PLA2G4C: variants seen among roughly 807,000 people sequenced by gnomAD.
PLA2G4C encodes phospholipase A2 group IVC.
In PLA2G4C, 64 loss-of-function variants were observed where a neutral mutation model predicts 73.8. That is an observed-to-expected ratio of 0.87 (90% CI 0.71 to 1.07). The LOEUF (loss-of-function observed/expected upper bound fraction) is 1.07, where lower values mean the gene tolerates loss of function less well. Ranked by LOEUF, PLA2G4C falls within the 50% of genes least tolerant of loss-of-function variation. PLA2G4C has a pLI of 0.00. For synonymous variants in PLA2G4C, 254 were observed against 252.1 expected (o/e 1.01, Z -0.07); for missense variants, 622 against 665.4 (o/e 0.93, Z 0.72).
chr19:48,088,623 G>A lies in PLA2G4C; in HGVS notation c.790+63C>T, dbSNP rs369428750. On this transcript the variant is annotated intron_variant, in intron 9 of 16. Coordinates refer to ENST00000599921, the MANE Select transcript of PLA2G4C (RefSeq NM_003706.3). ...ATGTAATGTTCCTAGGACAATGGCT[G>A]GCCTCAAGCAAGTGTGCGGTCCCCA... 8.6e-4 allele frequency: 968 copies of A among 1,124,006 alleles called. 10 individuals carry two copies. The South Asian group carries it at 0.012, about 13-fold the overall frequency. 69.6% of individuals were successfully genotyped at this position (1,124,006 alleles called of 1,614,324 possible).
intron 4 of PLA2G4C, chr19:48,103,573 G>T (rs1464133253): frequency 6.6e-6 from 1 of 152,304 alleles, no homozygotes; most frequent in Non-Finnish European, 1.5e-5. Context: ...CTCTGAAAAT[G>T]TGCCAAGATC....
At chr19:48,084,985 G>T in intron 10 of PLA2G4C, 74 bp downstream of exon 10, 1 of 1,063,872 alleles carries the variant, frequency 9.4e-7, no homozygotes, top group Non-Finnish European at 1.5e-6. Flanking sequence ...TCTGCCACAT[G>T]CAGGAAAAGT....
intron 1 of PLA2G4C, among the ~76,000 whole-genome samples, chr19:48,109,326 C>T (rs1373588812): frequency 6.6e-6 from 1 of 152,038 alleles, no homozygotes; most frequent in African/African-American, 2.4e-5. Flanking sequence ...GGCTGGAGTG[C>T]AGTGGTGTGA....
intron 13 of PLA2G4C, 98 bp from the exon 14 acceptor site, chr19:48,062,250 G>A: frequency 2.7e-6 from 3 of 1,104,956 alleles, no homozygotes; most frequent in Non-Finnish European, 3.8e-6. Flanking sequence ...AATGATCGTT[G>A]TCAGTGTAGA....
At position 48,072,420 on chromosome 19, in the gene PLA2G4C, C is replaced by A. The variant is rs1968696245; in HGVS notation, c.1006+2347G>T. ...AGTCATAGTGAGGCTTCGTGTGGCA[C>A]ATTCCATCTCTCTCCATTACCCACC... On this transcript the variant is annotated intron_variant, in intron 12 of 16. Transcript: ENST00000599921. The surrounding 1 kb of genome is among the most constrained non-coding windows in gnomAD (Gnocchi z 4.4). The A allele has an allele frequency of 6.6e-6, 1 of 152,156 alleles. No homozygotes were observed. The highest frequency in any genetic ancestry group is 6.6e-5 in the Admixed American group (1 of 15,256). 9.4% of individuals were successfully genotyped at this position (152,156 alleles called of 1,614,324 possible).
At chr19:48,088,289 C>A (rs1180920243) in intron 9 of PLA2G4C, among the ~76,000 whole-genome samples, 1 of 151,724 alleles carries the variant, frequency 6.6e-6, no homozygotes, top group African/African-American at 2.4e-5. Flanking sequence ...GGAACTCTTA[C>A]AATCTTCACC....
intron 3 of PLA2G4C, 144 bp from the exon 4 acceptor site, chr19:48,104,868 AG>A: frequency 2.8e-6 from 2 of 726,190 alleles, no homozygotes; most frequent in Non-Finnish European, 4.5e-6. Flanking sequence ...GGATCACTTG[AG>A]GTCAGGAGTT....
chr19:48,107,206 C>T (rs916043798), intron 1 of PLA2G4C, among the ~76,000 whole-genome samples: 1 of 151,198 alleles, frequency 6.6e-6, no homozygotes, highest in Non-Finnish European at 1.5e-5. Context: ...AATTGATCGG[C>T]TATGGATGAA....
chr19:48,099,775 C>G lies in PLA2G4C; in HGVS notation c.343G>C (p.Asp115His). Reference protein sequence around the residue: ...LKHRFTRQEWDLAKSLQKTIQ... With the variant: ...LKHRFTRQEWHLAKSLQKTIQ... ...GTTTTCTGTAGGCTCTTAGCCAAGT[C>G]CCACTCCTGTCGGGTAAATCGATGT... Residue 115 changes from aspartate to histidine, a missense_variant, in exon 5 of 17, where the codon GAC becomes CAC. Transcript: ENST00000599921. The G allele has an allele frequency of 6.2e-7, 1 of 1,613,766 alleles. No individual in the cohort carries two copies.
intron 12 of PLA2G4C, among the ~76,000 whole-genome samples, chr19:48,068,438 T>G (rs1250245974): frequency 4.6e-5 from 7 of 151,888 alleles, no homozygotes. Flanking sequence ...ATCCCAGGAC[T>G]TAGGGAAGCC....
Position 48,077,661 on chromosome 19 carries a change from A to G in PLA2G4C, c.898+110T>C, listed in dbSNP as rs545641750. On this transcript the variant is annotated intron_variant, in intron 11 of 16. Coordinates refer to ENST00000599921, the MANE Select transcript of PLA2G4C (RefSeq NM_003706.3). The stretch of plus-strand genomic sequence containing the variant: ...AGTCCATGCTCCTCTCCATTCCCAA[A>G]GGAGCACCACATGAATCAGACACGT... 4.3e-5 allele frequency: 34 copies of G among 791,058 alleles called. No individual in the cohort carries two copies. In the South Asian group the frequency reaches 6.5e-4, roughly 15 times the overall value. The allele number at this position is 791,058 out of a possible 1,614,324, so 49.0% of individuals were successfully genotyped here. A position where few individuals can be genotyped will look rare whatever the true frequency, so the allele number is the denominator to read the frequency against.
At chr19:48,070,472 G>A (rs144805123) in intron 12 of PLA2G4C, among the ~76,000 whole-genome samples, 9 of 152,270 alleles carry the variant, frequency 5.9e-5, no homozygotes, top group South Asian at 2.1e-4. Flanking sequence ...ATTCACAATA[G>A]CAAAGACATG....
chr19:48,107,666 G>A (rs1047852576), intron 1 of PLA2G4C, among the ~76,000 whole-genome samples: 5 of 152,088 alleles, frequency 3.3e-5, no homozygotes, highest in Admixed American at 3.3e-4. Flanking sequence ...CCTGTGGAGG[G>A]CCTGAGTGAT....
rs1246699381 is a variant in PLA2G4C, at chr19:48,054,920, C to T, written c.1387G>A (p.Val463Met). The change falls in exon 15 of 17, where the codon GTG (valine) becomes ATG (methionine). Residue 463 changes from valine to methionine, a missense_variant. Transcript: ENST00000599921. ...TTGAACAGGGGAAAATGCATCACCA[C>T]TGGTCCAGTTTCTCCTTTCAGGATG... The part of the protein sequence containing the change: ...CYILKGETGP[V>M]VMHFPLFNID... 34 of 1,614,112 alleles carry T rather than the reference C, an allele frequency of 2.1e-5. No homozygotes were observed. Among genetic ancestry groups the T allele is most frequent in the Non-Finnish European group, 2.8e-5 (33 of 1,180,028 alleles).
At position 48,110,584 on chromosome 19, in the gene PLA2G4C, G is replaced by C; in HGVS notation, c.-130C>G. 7.3e-7 allele frequency: 1 copy of C among 1,369,376 alleles called. No individual in the cohort carries two copies. The highest frequency in any genetic ancestry group is 1.5e-5 in the African/African-American group (1 of 66,380). The allele number at this position is 1,369,376 out of a possible 1,614,324, so 84.8% of individuals were successfully genotyped here. On this transcript the variant is annotated 5_prime_UTR_variant, in exon 1 of 17. Transcript: ENST00000599921. ...GCTCCCTGCGCTTAGCGGTGTAGTC[G>C]CTGGACAGCTCCTTCAGCCGGAATC... is the stretch of plus-strand genomic sequence containing the variant.
intron 12 of PLA2G4C, among the ~76,000 whole-genome samples, chr19:48,069,056 A>AG (rs1968561317): frequency 6.6e-6 from 1 of 151,818 alleles, no homozygotes; most frequent in Non-Finnish European, 1.5e-5. Context: ...AAAAAAAAAA[A>AG]AAAAACGGTG....
chr19:48,105,645 C>G (rs746319901), intron 2 of PLA2G4C, among the ~76,000 whole-genome samples: 1 of 152,030 alleles, frequency 6.6e-6, no homozygotes, highest in Non-Finnish European at 1.5e-5. Flanking sequence ...GAATGCCAGT[C>G]AATTATTCAC....
intron 13 of PLA2G4C, among the ~76,000 whole-genome samples, chr19:48,063,669 T>C (rs1283046346): frequency 6.8e-6 from 1 of 147,298 alleles, no homozygotes; most frequent in African/African-American, 2.5e-5. Context: ...CACCCCAGAG[T>C]TAACCTGAAA....
At chr19:48,095,307 A>T (rs2031509777) in intron 7 of PLA2G4C, among the ~76,000 whole-genome samples, 157 bp downstream of exon 7, 1 of 152,176 alleles carries the variant, frequency 6.6e-6, no homozygotes, top group South Asian at 2.1e-4. Context: ...AAGACTCAGC[A>T]GAAGGAATAC....
Sources: allele counts gnomAD v4.1 joint callset (sites outside exome capture counted in the v4.1 genomes callset), GRCh38; gene constraint gnomAD v4.1.1; non-coding constraint Gnocchi (gnomAD v3.1); transcripts MANE v1.5; gene names NCBI Gene and HGNC (gene_info 2026-07-23, HGNC 2026-07-21).